The following PLA2G4E variants were observed in gnomAD, a reference collection of about 807,000 sequenced individuals.
The protein encoded by PLA2G4E is cytosolic phospholipase A2 epsilon.
PLA2G4E carries 84 observed loss-of-function variants against 109.1 expected under a neutral mutation model. The ratio of observed to expected loss-of-function variants is 0.77; its 90% CI spans 0.65 to 0.92. The LOEUF is 0.92. PLA2G4E is among the 40% of genes least tolerant of loss of function. The pLI, the probability that PLA2G4E is intolerant of heterozygous loss-of-function variation, is 0.00. For missense variants in PLA2G4E, 1,057 were observed against 1,076.6 expected (o/e 0.98, Z 0.25); for synonymous variants, 469 against 436.1 (o/e 1.08, Z -0.94).
intron 7 of PLA2G4E, among the ~76,000 whole-genome samples, chr15:42,000,602 G>C (rs1032450277): frequency 3.3e-5 from 5 of 152,210 alleles, no homozygotes; most frequent in African/African-American, 1.2e-4. Flanking sequence ...AGAGGAGGCA[G>C]ACCCTCCGCA....
intron 6 of PLA2G4E, among the ~76,000 whole-genome samples, chr15:42,002,392 A>G (rs772783274): frequency 7.9e-5 from 12 of 151,792 alleles, no homozygotes; most frequent in Non-Finnish European, 1.6e-4. Context: ...GAGGCTCTTA[A>G]GGGGAAGGGT....
chr15:42,044,620 A>G (rs11633219), intron 1 of PLA2G4E, among the ~76,000 whole-genome samples: 61,036 of 124,312 alleles, frequency 0.49, 15,124 homozygotes, highest in Admixed American at 0.63. Context: ...AACATCACAC[A>G]CTGGGGCCTG....
At position 42,048,923 on chromosome 15, in the gene PLA2G4E, T is replaced by C. The variant is rs1889462411; in HGVS notation, c.183+1598A>G. On this transcript the variant is annotated intron_variant, in intron 1 of 19. Coordinates refer to ENST00000399518, the Ensembl canonical transcript of PLA2G4E. ...CCCAAAACCTTTCAGCTGCCACTTC[T>C]AGGTGTGAGTCAGGAGGCTGAAGAT... Among the ~76,000 whole-genome samples, 3 of 152,214 alleles carry C rather than the reference T, an allele frequency of 2.0e-5. No homozygotes were observed. The South Asian group carries it at 6.2e-4, about 32-fold the overall frequency.
At chr15:41,991,841 A>G (rs568437876) in intron 13 of PLA2G4E, among the ~76,000 whole-genome samples, 124 of 152,314 alleles carry the variant, frequency 8.1e-4, no homozygotes, top group African/African-American at 2.8e-3. Flanking sequence ...AGAGGTGGGA[A>G]GCTCTCCTCT....
intron 1 of PLA2G4E, among the ~76,000 whole-genome samples, chr15:42,046,817 G>A (rs1203416929): frequency 6.6e-6 from 1 of 152,196 alleles, no homozygotes; most frequent in Non-Finnish European, 1.5e-5. Flanking sequence ...CACATGAGAA[G>A]TTATCTAAGA....
intron 1 of PLA2G4E, among the ~76,000 whole-genome samples, chr15:42,025,058 T>C (rs1048103259): frequency 6.6e-6 from 1 of 151,950 alleles, no homozygotes; most frequent in Non-Finnish European, 1.5e-5. Flanking sequence ...TAGCCGGGCA[T>C]GGTCGCGGGC....
chr15:42,034,664 A>G (rs1249688581), intron 1 of PLA2G4E, among the ~76,000 whole-genome samples: 2 of 152,144 alleles, frequency 1.3e-5, no homozygotes, highest in Non-Finnish European at 2.9e-5. Flanking sequence ...TCCTCTTTTT[A>G]AGGATTATAT....
chr15:41,983,969 C>G, exon 20 of PLA2G4E: 8 of 1,606,108 alleles, frequency 5.0e-6, no homozygotes, highest in Non-Finnish European at 6.8e-6. Context: ...GGGCTTCGCT[C>G]TACACCTGTG....
intron 1 of PLA2G4E, among the ~76,000 whole-genome samples, chr15:42,049,431 T>C (rs184050908): frequency 5.3e-5 from 8 of 152,332 alleles, no homozygotes; most frequent in African/African-American, 1.4e-4. Context: ...CACTGTTGCA[T>C]TGGGGATTAA....
At chr15:42,042,120 AAAC>A (rs771013072) in intron 1 of PLA2G4E, among the ~76,000 whole-genome samples, 40 of 152,354 alleles carry the variant, frequency 2.6e-4, no homozygotes, top group Non-Finnish European at 4.6e-4. Flanking sequence ...CAGAAATTGG[AAAC>A]AACCTAGATG....
chr15:41,995,068 C>G (rs2068315420), intron 12 of PLA2G4E, among the ~76,000 whole-genome samples: 2 of 152,374 alleles, frequency 1.3e-5, no homozygotes, highest in South Asian at 4.1e-4. Flanking sequence ...AACAGTAACA[C>G]CAGGAAAGGC....
At position 41,999,521 on chromosome 15, in the gene PLA2G4E, T is replaced by A; in HGVS notation, c.974+3A>T. ...AGGCACGGACAGAATGCGGGTACTA[T>A]ACCAGGGTGTAGACTTCATGTGTAA... On this transcript the variant is annotated splice_donor_region_variant and intron_variant, in intron 10 of 19. Transcript: ENST00000399518. 6.3e-7 allele frequency: 1 copy of A among 1,594,712 alleles called. No individual in the cohort carries two copies. Among genetic ancestry groups the A allele is most frequent in the Middle Eastern group, 1.7e-4 (1 of 6,032 alleles).
At chr15:42,049,426 T>C (rs771264619) in intron 1 of PLA2G4E, among the ~76,000 whole-genome samples, 1 of 152,190 alleles carries the variant, frequency 6.6e-6, no homozygotes, top group Non-Finnish European at 1.5e-5. Flanking sequence ...CTCAACACTG[T>C]TGCATTGGGG....
At chr15:41,998,185 A>G (rs1322881286) in intron 10 of PLA2G4E, 2 of 152,228 alleles carry the variant, frequency 1.3e-5, no homozygotes, top group Non-Finnish European at 2.9e-5. Flanking sequence ...GCCTTGGCTC[A>G]CTGACAAAGC....
chr15:42,027,933 T>C (rs1262531308), intron 1 of PLA2G4E, among the ~76,000 whole-genome samples: 2 of 152,282 alleles, frequency 1.3e-5, no homozygotes, highest in Non-Finnish European at 2.9e-5. Flanking sequence ...ATTCATCATA[T>C]GCTCACTAAT....
chr15:42,041,029 G>C (rs1423296765), intron 1 of PLA2G4E, among the ~76,000 whole-genome samples: 4 of 152,208 alleles, frequency 2.6e-5, no homozygotes, highest in African/African-American at 9.7e-5. Context: ...AAATTGATAA[G>C]ACGTAGTGTT....
At chr15:42,002,605 G>A (rs2068432911) in intron 6 of PLA2G4E, 49 bp downstream of exon 6, 1 of 1,529,878 alleles carries the variant, frequency 6.5e-7, no homozygotes, top group Non-Finnish European at 8.9e-7. Flanking sequence ...CCTGAGAGCA[G>A]CAGCCAGCCG....
At chr15:42,015,958 C>T (rs1202028258) in intron 1 of PLA2G4E, among the ~76,000 whole-genome samples, 1 of 152,186 alleles carries the variant, frequency 6.6e-6, no homozygotes, top group Non-Finnish European at 1.5e-5. Flanking sequence ...GAGAGTTTTA[C>T]CCACGCTTAG....
At chr15:41,986,197 T>C (rs1052103447) in intron 17 of PLA2G4E, among the ~76,000 whole-genome samples, 192 bp from the exon 18 acceptor site, 1 of 152,142 alleles carries the variant, frequency 6.6e-6, no homozygotes, top group African/African-American at 2.4e-5. Context: ...GCTAGTCTTT[T>C]ATGGGATATT....
Sources: allele counts gnomAD v4.1 joint callset (sites outside exome capture counted in the v4.1 genomes callset), GRCh38; gene constraint gnomAD v4.1.1; transcripts MANE v1.5; gene names NCBI Gene and HGNC (gene_info 2026-07-23, HGNC 2026-07-21).